LRP1B: variants seen among roughly 807,000 people sequenced by gnomAD.
LRP1B encodes low-density lipoprotein receptor-related protein 1B.
Under a neutral mutation model 556.6 loss-of-function variants are expected in LRP1B, and 217 were observed. The observed-to-expected ratio is 0.39, with a 90% CI of 0.35 to 0.44. The LOEUF (loss-of-function observed/expected upper bound fraction) is 0.44, where lower values mean the gene tolerates loss of function less well. LRP1B is among the 20% of genes least tolerant of loss of function. The pLI, the probability that LRP1B is intolerant of heterozygous loss-of-function variation, is 1.00. For missense variants in LRP1B, 5,053 were observed against 5,620.8 expected, an observed-to-expected ratio of 0.90 and a Z score of 3.23; for synonymous variants, 2,047 against 1,865.8, an observed-to-expected ratio of 1.10 and a Z score of -2.50.
intron 51 of LRP1B, among the ~76,000 whole-genome samples, chr2:140,511,790 T>G (rs936481866): frequency 1.3e-5 from 2 of 152,192 alleles, no homozygotes; most frequent in African/African-American, 4.8e-5. Flanking sequence ...AAATAATCTA[T>G]TAAATAAATG....
In LRP1B at chr2:140,716,780, T is replaced by C. The variant is rs148643799; in HGVS notation, c.5795A>G (p.Asn1932Ser). Residue 1932 changes from asparagine (N) to serine (S), a missense_variant, in exon 36 of 91, where the codon AAT (asparagine) becomes AGT (serine). Asn to Ser is a conservative substitution (Grantham distance 46). This residue lies in a region of LRP1B where 3,619 missense variants were observed against 3,931.9 expected (regional missense o/e 0.92). Coordinates refer to ENST00000389484, the MANE Select transcript of LRP1B (RefSeq NM_018557.3). ...ATCTCTTTTAGCTCTGCTAATTTTATTGAAGCCCATGTCTGTCCAGTAGAT... is the reference window on the plus strand; with the variant it reads ...ATCTCTTTTAGCTCTGCTAATTTTACTGAAGCCCATGTCTGTCCAGTAGAT... Reference protein sequence around the residue: ...DTIYWTDMGFNKISRAKRDQT... With the variant: ...DTIYWTDMGFSKISRAKRDQT... The C allele has an allele frequency of 1.1e-5, 17 of 1,609,156 alleles. No homozygotes were observed. Among genetic ancestry groups the C allele is most frequent in the African/African-American group, 1.3e-5 (1 of 74,788 alleles).
chr2:140,298,235 A>G (rs1157885107), intron 83 of LRP1B, among the ~76,000 whole-genome samples: 4 of 152,164 alleles, frequency 2.6e-5, no homozygotes, highest in Admixed American at 2.0e-4. Context: ...ACTTGCATGC[A>G]TATATTGTTT....
rs543514508 is a variant in LRP1B at position 141,404,347 on chromosome 2, C to T, written c.343+76049G>A. Among the ~76,000 whole-genome samples, 90 of 152,176 alleles carry T rather than the reference C, an allele frequency of 5.9e-4. 4 individuals are homozygous for T. In the South Asian group the frequency reaches 0.018, roughly 31 times the overall value. On this transcript the variant is annotated intron_variant, in intron 3 of 90. Coordinates refer to ENST00000389484, the MANE Select transcript of LRP1B (RefSeq NM_018557.3). ...TTTTTTTTGCTTCTGAATCACCATG[C>T]ATACTTCAAGGTATTTTACAGAAGT...
chr2:140,858,246 C>A (rs988986340), intron 27 of LRP1B, among the ~76,000 whole-genome samples: 1 of 152,058 alleles, frequency 6.6e-6, no homozygotes, highest in East Asian at 1.9e-4. Flanking sequence ...AATGTGCAGA[C>A]ACTGAGAAGC....
At chr2:141,621,605 T>C (rs550047499) in intron 2 of LRP1B, among the ~76,000 whole-genome samples, 1 of 152,304 alleles carries the variant, frequency 6.6e-6, no homozygotes, top group South Asian at 2.1e-4. Context: ...AATTGATACA[T>C]CTCAGTATTT....
chr2:140,659,341 G>T (rs1213394007), intron 41 of LRP1B, among the ~76,000 whole-genome samples: 1 of 151,748 alleles, frequency 6.6e-6, no homozygotes, highest in Non-Finnish European at 1.5e-5. Context: ...GTGTACATAA[G>T]CGTTGTAACT....
intron 31 of LRP1B, among the ~76,000 whole-genome samples, chr2:140,832,696 T>C (rs1691758504): frequency 6.6e-6 from 1 of 152,110 alleles, no homozygotes; most frequent in African/African-American, 2.4e-5. Context: ...AAAGTAGATC[T>C]CTTGTGGGTA....
At chr2:141,719,048 G>C (rs2105493813) in intron 2 of LRP1B, among the ~76,000 whole-genome samples, 1 of 152,134 alleles carries the variant, frequency 6.6e-6, no homozygotes, top group South Asian at 2.1e-4. Context: ...CAGAAATTCT[G>C]ACTTTCCCCC....
At chr2:140,393,328 A>G (rs968333454) in intron 66 of LRP1B, among the ~76,000 whole-genome samples, 2 of 150,722 alleles carry the variant, frequency 1.3e-5, no homozygotes, top group East Asian at 3.9e-4. Flanking sequence ...TTGAAATTAT[A>G]TATTGTTTCA....
chr2:141,149,683 G>T (rs1027294413), intron 7 of LRP1B, among the ~76,000 whole-genome samples: 1 of 152,132 alleles, frequency 6.6e-6, no homozygotes, highest in African/African-American at 2.4e-5. Flanking sequence ...GTCGGCTTCA[G>T]TCTTTGCTTC....
At chr2:141,355,154 G>A (rs539091322) in intron 3 of LRP1B, among the ~76,000 whole-genome samples, 2 of 151,948 alleles carry the variant, frequency 1.3e-5, no homozygotes, top group African/African-American at 4.8e-5. Flanking sequence ...CATGTACTAA[G>A]TGAATTGAAC....
chr2:141,919,198 C>T (rs1700115327), intron 1 of LRP1B, among the ~76,000 whole-genome samples: 1 of 151,926 alleles, frequency 6.6e-6, no homozygotes, highest in Admixed American at 6.6e-5. Context: ...TAGATACATA[C>T]ACATATACAT....
intron 43 of LRP1B, among the ~76,000 whole-genome samples, chr2:140,552,924 G>A (rs1226082745): frequency 2.0e-5 from 3 of 151,970 alleles, no homozygotes; most frequent in Non-Finnish European, 4.4e-5. Context: ...CATGCCCTTT[G>A]CATCTTGGAA....
At chr2:140,476,858 C>T (rs1004217871) in intron 59 of LRP1B, among the ~76,000 whole-genome samples, 2 of 151,932 alleles carry the variant, frequency 1.3e-5, no homozygotes, top group Admixed American at 1.3e-4. Context: ...TCACATAGGG[C>T]AATACCGGAA....
chr2:140,900,813 G>GAA (rs11422148), intron 23 of LRP1B, among the ~76,000 whole-genome samples: 1 of 151,684 alleles, frequency 6.6e-6, no homozygotes, highest in Non-Finnish European at 1.5e-5. Context: ...GACATAAAAA[G>GAA]AAAAAATAAA....
rs200809456 is a variant in LRP1B at position 141,389,031 on chromosome 2, G to T, written c.343+91365C>A. 2.3e-4 allele frequency among the ~76,000 whole-genome samples: 35 copies of T among 152,226 alleles called. No homozygotes were observed. The East Asian group carries it at 6.8e-3, about 29-fold the overall frequency. ...GAATCATATCCGTGTTCATAGATTT[G>T]AAACTTAATATATTAAGATGCCACT... On this transcript the variant is annotated intron_variant, in intron 3 of 90. Transcript: ENST00000389484.
chr2:141,387,321 T>C lies in LRP1B; in HGVS notation c.343+93075A>G, dbSNP rs72983149. Among the ~76,000 whole-genome samples, 1,414 of 151,582 alleles carry C rather than the reference T, an allele frequency of 9.3e-3. 18 individuals carry two copies. Among genetic ancestry groups the C allele is most frequent in the African/African-American group, 0.031 (1,295 of 41,420 alleles). Reference sequence around the variant, plus strand: ...AAAGCTAGCAGAAGAAAGGAAGTTATAAAGATTAGAGCACAGATAAATGAC... The same window carrying C: ...AAAGCTAGCAGAAGAAAGGAAGTTACAAAGATTAGAGCACAGATAAATGAC... On this transcript the variant is annotated intron_variant, in intron 3 of 90. Transcript: ENST00000389484.
chr2:142,046,736 A>G (rs1362267397), intron 1 of LRP1B, among the ~76,000 whole-genome samples: 2 of 151,996 alleles, frequency 1.3e-5, no homozygotes, highest in African/African-American at 4.8e-5. Flanking sequence ...TATTAACTTA[A>G]GAGAATTCCT....
chr2:140,796,774 T>C (rs550518485), intron 32 of LRP1B, among the ~76,000 whole-genome samples: 1 of 152,234 alleles, frequency 6.6e-6, no homozygotes, highest in East Asian at 1.9e-4. Context: ...ATAATTATAG[T>C]GCATTTAAAA....
Sources: gnomAD v4.1 joint callset for allele counts (sites outside exome capture counted in the v4.1 genomes callset) on GRCh38, gnomAD v4.1.1 for gene constraint, gnomAD v4.1.1 regional missense constraint, MANE v1.5 for transcripts, NCBI Gene and HGNC (gene_info 2026-07-23, HGNC 2026-07-21) for gene names.